The following RAB38 variants were observed in gnomAD, a reference collection of about 807,000 sequenced individuals.
RAB38 encodes RAB38, member RAS oncogene family, also known as ras-related protein Rab-38.
RAB38 carries 15 observed loss-of-function variants against 18.4 expected under a neutral mutation model. The ratio of observed to expected loss-of-function variants is 0.82; its 90% CI spans 0.55 to 1.26. The LOEUF is 1.26. Among genes scored for constraint, RAB38 ranks in the 50% most tolerant of loss-of-function variants. The pLI is 0.00. For synonymous variants in RAB38, 101 were observed against 104.4 expected, an observed-to-expected ratio of 0.97 and a Z score of 0.20; for missense variants, 294 against 267.4, an observed-to-expected ratio of 1.10 and a Z score of -0.69.
At chr11:88,110,316 G>A (rs1350653068), downstream of RAB38, among the ~76,000 whole-genome samples, 5 of 151,884 alleles carry the variant, frequency 3.3e-5, no homozygotes, top group Admixed American at 3.3e-4. Flanking sequence ...AGTGGGAGTT[G>A]AACAATGAGA....
At chr11:88,123,023 T>A (rs890245137) in intron 2 of RAB38, among the ~76,000 whole-genome samples, 19 of 152,212 alleles carry the variant, frequency 1.2e-4, no homozygotes, top group African/African-American at 3.6e-4. Flanking sequence ...TTCATGAGAT[T>A]CTTGTTAAAC....
chr11:88,082,408 G>T, the RAB38 span, among the ~76,000 whole-genome samples: 52 of 151,866 alleles, frequency 3.4e-4, no homozygotes, highest in African/African-American at 1.3e-3. Context: ...GAAAATGTCA[G>T]CCTGGATGCC....
chr11:87,856,288 T>A, the RAB38 span, among the ~76,000 whole-genome samples: 1 of 152,146 alleles, frequency 6.6e-6, no homozygotes, highest in Non-Finnish European at 1.5e-5. Flanking sequence ...GATTCTCATA[T>A]ACTCTCTTCA....
chr11:87,849,025 A>T, the RAB38 span, among the ~76,000 whole-genome samples: 6 of 152,098 alleles, frequency 3.9e-5, no homozygotes, highest in Admixed American at 3.9e-4. Context: ...CAGGCTTAGT[A>T]ATAAGTTCCA....
the RAB38 span, among the ~76,000 whole-genome samples, chr11:88,084,563 C>T: frequency 6.6e-6 from 1 of 151,786 alleles, no homozygotes; most frequent in East Asian, 1.9e-4. Flanking sequence ...AAGATCTCTG[C>T]ATTACTAATT....
chr11:87,813,096 C>T, the RAB38 span, among the ~76,000 whole-genome samples: 2 of 152,148 alleles, frequency 1.3e-5, no homozygotes, highest in East Asian at 3.9e-4. Flanking sequence ...AATGAGGAGA[C>T]AGAGGGAATA....
At chr11:88,110,545 G>C (rs7937638), downstream of RAB38, among the ~76,000 whole-genome samples, 5 of 152,002 alleles carry the variant, frequency 3.3e-5, no homozygotes, top group Non-Finnish European at 5.9e-5. Flanking sequence ...AAGGCCAGGC[G>C]TGGTGGCTCA....
At chr11:88,104,194 C>T in the RAB38 span, among the ~76,000 whole-genome samples, 12 of 152,232 alleles carry the variant, frequency 7.9e-5, no homozygotes, top group African/African-American at 2.6e-4. Flanking sequence ...ATAGAAGTGG[C>T]GGCTTTTCCC....
chr11:88,020,339 CTG>C, the RAB38 span, among the ~76,000 whole-genome samples: 43 of 152,170 alleles, frequency 2.8e-4, no homozygotes, highest in African/African-American at 1.0e-3. Flanking sequence ...CAGACAAAAA[CTG>C]TAAGAAGAGA....
the RAB38 span, among the ~76,000 whole-genome samples, chr11:88,063,189 T>C: frequency 1.3e-5 from 2 of 152,176 alleles, no homozygotes; most frequent in Admixed American, 1.3e-4. Flanking sequence ...TATAACTTTA[T>C]GATTAAAAGA....
chr11:87,838,365 T>C, the RAB38 span, among the ~76,000 whole-genome samples: 23 of 152,272 alleles, frequency 1.5e-4, no homozygotes, highest in Non-Finnish European at 2.9e-4. Context: ...CCGCCCACCT[T>C]GGCCTCCCAA....
the RAB38 span, among the ~76,000 whole-genome samples, chr11:88,026,058 G>C: frequency 5.3e-5 from 8 of 151,872 alleles, no homozygotes; most frequent in African/African-American, 1.9e-4. Flanking sequence ...TCTGCCTCCT[G>C]GGTTCAAGCT....
chr11:87,922,961 T>TAAGG, the RAB38 span, among the ~76,000 whole-genome samples: 5 of 147,740 alleles, frequency 3.4e-5, no homozygotes, highest in Non-Finnish European at 7.5e-5. Flanking sequence ...AAGGAAAAAG[T>TAAGG]AAGGAAGGAA....
chr11:87,945,030 G>A, the RAB38 span, among the ~76,000 whole-genome samples: 1 of 152,126 alleles, frequency 6.6e-6, no homozygotes, highest in Admixed American at 6.6e-5. Flanking sequence ...GAACTAGCTA[G>A]ACAAATGTAA....
At chr11:87,961,214 G>C in the RAB38 span, among the ~76,000 whole-genome samples, 1 of 152,130 alleles carries the variant, frequency 6.6e-6, no homozygotes, top group Non-Finnish European at 1.5e-5. Context: ...TTTGATCCCA[G>C]CCAGAGTAAA....
At chr11:88,098,834 C>T in the RAB38 span, 1 of 151,872 alleles carries the variant, frequency 6.6e-6, no homozygotes, top group Non-Finnish European at 1.5e-5. Context: ...TGTGGTATCT[C>T]CTCCAGGTAC....
At chr11:88,057,061 A>C in the RAB38 span, among the ~76,000 whole-genome samples, 1 of 152,140 alleles carries the variant, frequency 6.6e-6, no homozygotes. Context: ...ATCCAGTTTA[A>C]ATGCAGCTGA....
At chr11:87,937,870 G>GTTTTTTT in the RAB38 span, among the ~76,000 whole-genome samples, 28 of 91,986 alleles carry the variant, frequency 3.0e-4, no homozygotes, top group Non-Finnish European at 4.0e-4. Flanking sequence ...TCATTGAAGT[G>GTTTTTTT]TTTTTTTTTT....
chr11:87,893,198 G>A, the RAB38 span, among the ~76,000 whole-genome samples: 3 of 150,922 alleles, frequency 2.0e-5, no homozygotes, highest in Admixed American at 6.6e-5. Context: ...TCTCTCATAA[G>A]GCAGGAAATA....
Sources: allele counts gnomAD v4.1 joint callset (sites outside exome capture counted in the v4.1 genomes callset), GRCh38; gene constraint gnomAD v4.1.1; transcripts MANE v1.5; gene names NCBI Gene and HGNC (gene_info 2026-07-23, HGNC 2026-07-21).